The following MCF2L variants were observed in gnomAD, a reference collection of about 807,000 sequenced individuals.
MCF2L encodes guanine nucleotide exchange factor DBS.
MCF2L carries 97 observed loss-of-function variants against 153.4 expected under a neutral mutation model. The observed-to-expected ratio is 0.63, with a 90% CI of 0.54 to 0.75. The LOEUF (loss-of-function observed/expected upper bound fraction) is 0.75, where lower values mean the gene tolerates loss of function less well. MCF2L is among the 30% of genes least tolerant of loss of function. The pLI is 0.00. For synonymous variants in MCF2L, 659 were observed against 632.2 expected (o/e 1.04, Z -0.64); for missense variants, 1,347 against 1,495.2 (o/e 0.90, Z 1.64).
intron 2 of MCF2L, among the ~76,000 whole-genome samples, chr13:112,914,071 T>G (rs1383266926): frequency 1.3e-5 from 2 of 152,174 alleles, no homozygotes; most frequent in African/African-American, 4.8e-5. Context: ...CTTTTTCCTT[T>G]CTTCCCTGTT....
chr13:112,981,071 C>T (rs1362904087), intron 1 of MCF2L, among the ~76,000 whole-genome samples: 1 of 151,744 alleles, frequency 6.6e-6, no homozygotes, highest in Non-Finnish European at 1.5e-5. Context: ...ATGTCCCCTT[C>T]CTGTGCACTG....
chr13:113,002,250 A>C (rs954237290), intron 1 of MCF2L, among the ~76,000 whole-genome samples: 2 of 152,164 alleles, frequency 1.3e-5, no homozygotes, highest in African/African-American at 4.8e-5. Context: ...CCTGGTGAGC[A>C]GTGGGGCCGC....
intron 1 of MCF2L, among the ~76,000 whole-genome samples, chr13:112,975,727 A>G (rs982664430): frequency 6.6e-6 from 1 of 152,240 alleles, no homozygotes; most frequent in African/African-American, 2.4e-5. Flanking sequence ...GTAATGAAGT[A>G]TGTGGGGATT....
At position 112,904,498 on chromosome 13, in the gene MCF2L, T is replaced by C. The variant is rs141971821; in HGVS notation, c.169+2127T>C. The stretch of plus-strand genomic sequence containing the variant: ...CATGTGGCTGGTCAGAGCACCCACT[T>C]AGCAAGCCGTGGCTCTTAATAATGT... On this transcript the variant is annotated intron_variant, in intron 2 of 29. Transcript: ENST00000375608. The surrounding 1 kb of genome is among the most constrained non-coding windows in gnomAD (Gnocchi z 4.2). Among the ~76,000 whole-genome samples the C allele has an allele frequency of 2.7e-3, 408 of 152,288 alleles. 3 individuals carry two copies. The highest frequency in any genetic ancestry group is 9.5e-3 in the African/African-American group (396 of 41,580).
In MCF2L at chr13:112,989,697, C is replaced by T. The variant is rs546953032; in HGVS notation, c.79+20239C>T. Among the ~76,000 whole-genome samples, 309 of 83,434 alleles carry T rather than the reference C, an allele frequency of 3.7e-3. 32 individuals carry two copies. The highest frequency in any genetic ancestry group is 0.013 in the African/African-American group (284 of 21,456). 54.7% of individuals were successfully genotyped at this position (83,434 alleles called of 152,430 possible). ...CCCTGAGCAGGACATGGAGCTACCA[C>T]ACCCGAGTCCTCCCTGAGCAGGGGA... On this transcript the variant is annotated intron_variant, in intron 1 of 29. Coordinates refer to ENST00000535094, the MANE Select transcript of MCF2L (RefSeq NM_001112732.3).
rs539975828 is a variant in MCF2L, at chr13:113,060,075, G to A, written c.370-518G>A. On this transcript the variant is annotated intron_variant, in intron 4 of 29. Transcript: ENST00000535094. ...GGCTATGGGGAGCGTCTCTCTGCTCGAGGCCTCTCCTCAGCTTCTGGTCTG... is the reference window on the plus strand; with the variant it reads ...GGCTATGGGGAGCGTCTCTCTGCTCAAGGCCTCTCCTCAGCTTCTGGTCTG... Among the ~76,000 whole-genome samples the A allele has an allele frequency of 7.2e-4, 110 of 152,250 alleles. 1 individual carries two copies. Among genetic ancestry groups the A allele is most frequent in the African/African-American group, 2.4e-3 (101 of 41,558 alleles).
chr13:112,925,785 G>A (rs1056303983), intron 2 of MCF2L, among the ~76,000 whole-genome samples: 6 of 152,088 alleles, frequency 3.9e-5, no homozygotes, highest in East Asian at 1.9e-4. Context: ...CCTATATCTA[G>A]TAAAGGAATC....
At chr13:112,955,234 C>T (rs1193465367) in intron 2 of MCF2L, among the ~76,000 whole-genome samples, 2 of 152,190 alleles carry the variant, frequency 1.3e-5, no homozygotes, top group Admixed American at 1.3e-4. Context: ...GGAGGCCTCA[C>T]ACGTCCTAAA....
rs1308178465 is a variant in MCF2L, at chr13:112,969,429, A to G, written c.50A>G (p.Gln17Arg). 20 of 1,550,352 alleles carry G rather than the reference A, an allele frequency of 1.3e-5. No homozygotes were observed. Among genetic ancestry groups the G allele is most frequent in the Non-Finnish European group, 1.6e-5 (18 of 1,146,904 alleles). ...GAGATGGCCTTGGAAGAAATGGTGC[A>G]GAGATTAAATGCGGTTTCCAAGCAC... Reference protein sequence around the residue: ...TEEMALEEMVQRLNAVSKHTD... With the variant: ...TEEMALEEMVRRLNAVSKHTD... Residue 17 changes from glutamine to arginine, a missense_variant, in exon 1 of 30, where the codon CAG becomes CGG. By Grantham distance (43) the Gln-to-Arg change is conservative. Around this residue, in one of 3 missense-constraint regions of MCF2L, gnomAD observed 820 missense variants for 921.2 expected, o/e 0.89. Transcript: ENST00000535094. The surrounding 1 kb of genome is among the most constrained non-coding windows in gnomAD (Gnocchi z 4.8).
chr13:112,968,148 G>C (rs559728925), upstream of MCF2L, among the ~76,000 whole-genome samples: 4 of 147,188 alleles, frequency 2.7e-5, no homozygotes, highest in East Asian at 6.0e-4. Context: ...GAGGTGGGGG[G>C]GGGGGTCTTG....
intron 2 of MCF2L, among the ~76,000 whole-genome samples, chr13:112,912,762 G>A (rs557584648): frequency 5.3e-5 from 8 of 151,766 alleles, no homozygotes; most frequent in African/African-American, 1.9e-4. Context: ...GTGGCTGTGT[G>A]TGTGTCACAT....
intron 1 of MCF2L, among the ~76,000 whole-genome samples, chr13:112,972,359 G>GTGGATGGATGGA (rs72104689): frequency 8.7e-5 from 12 of 137,250 alleles, no homozygotes; most frequent in African/African-American, 2.8e-4. Flanking sequence ...GTGTAAGTGG[G>GTGGATGGATGGA]TGGATGGATG....
chr13:113,074,338 G>A lies in MCF2L; in HGVS notation c.997-106G>A, dbSNP rs1271473475. ...TCCCTGCTTGATTGATGACCACTTG[G>A]CCCGACTTTGAATTCTGTCATTTCC... On this transcript the variant is annotated intron_variant, in intron 9 of 29. Coordinates refer to ENST00000535094, the MANE Select transcript of MCF2L (RefSeq NM_001112732.3). This position sits in a 1 kb window ranked among gnomAD's most constrained non-coding sequence, Gnocchi z 4.2. 4.2e-6 allele frequency: 6 copies of A among 1,437,606 alleles called. No individual in the cohort carries two copies. Among genetic ancestry groups the A allele is most frequent in the Non-Finnish European group, 5.8e-6 (6 of 1,038,882 alleles). 89.1% of individuals were successfully genotyped at this position (1,437,606 alleles called of 1,614,324 possible).
intron 2 of MCF2L, among the ~76,000 whole-genome samples, chr13:112,934,522 T>C (rs2140636866): frequency 1.6e-5 from 1 of 63,468 alleles, no homozygotes; most frequent in Non-Finnish European, 3.4e-5. Context: ...AGAGGTCTGA[T>C]GTGGGCTCCA....
At chr13:113,095,897 C>T in intron 27 of MCF2L, 1 of 687,224 alleles carries the variant, frequency 1.5e-6, no homozygotes, top group Non-Finnish European at 1.9e-6. Context: ...GGGAACAGCA[C>T]AGACAGGAAC....
rs187619764 is a variant in MCF2L at position 112,951,949 on chromosome 13, T to C, written c.169+49578T>C. Among the ~76,000 whole-genome samples the C allele has an allele frequency of 6.6e-6, 1 of 152,368 alleles. No individual in the cohort carries two copies. The highest frequency in any genetic ancestry group is 1.9e-4 in the East Asian group (1 of 5,186). On this transcript the variant is annotated intron_variant, in intron 2 of 29. Coordinates refer to the MCF2L transcript ENST00000375608. This position sits in a 1 kb window ranked among gnomAD's most constrained non-coding sequence, Gnocchi z 4.8. Reference sequence around the variant, plus strand: ...TACACGCACCGCATTACAAGGGCTTTACCAATATGTAGAATCACGTGAAGT... The same window carrying C: ...TACACGCACCGCATTACAAGGGCTTCACCAATATGTAGAATCACGTGAAGT...
chr13:112,982,294 GCAGTGATGGAGGCTTTCT>G (rs2082462274), intron 1 of MCF2L, among the ~76,000 whole-genome samples: 1 of 152,240 alleles, frequency 6.6e-6, no homozygotes, highest in African/African-American at 2.4e-5. Context: ...CGTAGGAAGA[GCAGTGATGGAGGCTTTCT>G]CCAAGATGTT....
At chr13:113,007,554 C>T (rs577928263) in intron 1 of MCF2L, among the ~76,000 whole-genome samples, 112 of 152,302 alleles carry the variant, frequency 7.4e-4, no homozygotes, top group South Asian at 1.5e-3. Context: ...GCTTTGTTGG[C>T]GATTCTAGAG....
At chr13:112,930,267 C>T (rs1209709532) in intron 2 of MCF2L, among the ~76,000 whole-genome samples, 1 of 152,190 alleles carries the variant, frequency 6.6e-6, no homozygotes, top group Non-Finnish European at 1.5e-5. Context: ...GAGCTTTATT[C>T]ACAAGCACTA....
Sources: gnomAD v4.1 joint callset for allele counts (sites outside exome capture counted in the v4.1 genomes callset) on GRCh38, gnomAD v4.1.1 for gene constraint, gnomAD v4.1.1 regional missense constraint, Gnocchi (gnomAD v3.1) non-coding constraint, MANE v1.5 for transcripts, NCBI Gene and HGNC (gene_info 2026-07-23, HGNC 2026-07-21) for gene names.